The following SLC15A2 variants were observed in gnomAD, a reference collection of about 807,000 sequenced individuals.
SLC15A2 encodes solute carrier family 15 member 2, also known as kidney H(+)/peptide cotransporter.
A neutral mutation model predicts 95.5 loss-of-function variants in SLC15A2; 77 were observed. The observed-to-expected ratio is 0.81, with a 90% CI of 0.67 to 0.97. SLC15A2 has a LOEUF of 0.97. Among genes scored for constraint, SLC15A2 ranks in the 50% least tolerant of loss-of-function variants. The pLI, the probability that SLC15A2 is intolerant of heterozygous loss-of-function variation, is 0.00. For synonymous variants in SLC15A2, 306 were observed against 306.9 expected (o/e 1.00, Z 0.03); for missense variants, 893 against 874.4 (o/e 1.02, Z -0.27).
intron 3 of SLC15A2, among the ~76,000 whole-genome samples, chr3:121,905,626 C>T (rs1453272565): frequency 1.3e-5 from 2 of 152,170 alleles, no homozygotes; most frequent in Non-Finnish European, 2.9e-5. Context: ...CATTCAGGAG[C>T]AGGTTGTTCA....
rs1353352904 is a variant in SLC15A2 at position 121,928,987 on chromosome 3, A to G, written c.1347A>G (p.Thr449=). 5 of 1,613,840 alleles carry G rather than the reference A, an allele frequency of 3.1e-6. No individual in the cohort carries two copies. Among genetic ancestry groups the G allele is most frequent in the Admixed American group, 1.7e-5 (1 of 59,974 alleles). ...LIESIKSFQK[T]PHYSKLHLKT... Reference sequence around the variant, plus strand: ...TTATATTCTTCATTTTACAGAAAACACCACACTATTCCAAACTGCACCTGA... The same window carrying G: ...TTATATTCTTCATTTTACAGAAAACGCCACACTATTCCAAACTGCACCTGA... The change falls in exon 16 of 22, where the codon ACA becomes ACG. Residue 449 remains threonine (T), a synonymous_variant. Coordinates refer to ENST00000489711, the MANE Select transcript of SLC15A2 (RefSeq NM_021082.4).
intron 12 of SLC15A2, 142 bp downstream of exon 12, chr3:121,924,525 C>T (rs2257120): frequency 0.44 from 339,723 of 776,658 alleles, 78,071 homozygotes; most frequent in East Asian, 0.72. Flanking sequence ...GAAAACATTC[C>T]CATTAAGCCC....
chr3:121,931,710 C>A lies in SLC15A2; in HGVS notation c.1736C>A (p.Ala579Glu). The A allele has an allele frequency of 6.2e-7, 1 of 1,611,734 alleles. No individual in the cohort carries two copies. Among genetic ancestry groups the A allele is most frequent in the Non-Finnish European group, 8.5e-7 (1 of 1,177,902 alleles). Residue 579 changes from alanine (A) to glutamate (E), a missense_variant, in exon 19 of 22, where the codon GCA (alanine) becomes GAA (glutamate). Coordinates refer to ENST00000489711, the MANE Select transcript of SLC15A2 (RefSeq NM_021082.4). Reference protein sequence around the residue: ...SLNLGLLDFGAAYLFVITNNT... With the variant: ...SLNLGLLDFGEAYLFVITNNT... ...AATTTGGGTCTTCTAGACTTTGGTGCAGCATATCTGTTTGTTATTACTAAT... is the reference window on the plus strand; with the variant it reads ...AATTTGGGTCTTCTAGACTTTGGTGAAGCATATCTGTTTGTTATTACTAAT...
intron 7 of SLC15A2, among the ~76,000 whole-genome samples, chr3:121,917,129 A>G (rs987209032): frequency 1.3e-5 from 2 of 151,766 alleles, no homozygotes; most frequent in African/African-American, 2.4e-5. Flanking sequence ...CAATTAATTT[A>G]TTTTTTCATT....
chr3:121,927,221 G>A (rs764681975), intron 13 of SLC15A2, among the ~76,000 whole-genome samples: 1 of 152,204 alleles, frequency 6.6e-6, no homozygotes, highest in South Asian at 2.1e-4. Context: ...ATGTGAGAAG[G>A]ACATGAGATT....
In SLC15A2 at chr3:121,943,885, G is replaced by A. The variant is rs1286480996; in HGVS notation, c.*2878G>A. The A allele has an allele frequency of 6.6e-6, 1 of 152,174 alleles. No homozygotes were observed. Among genetic ancestry groups the A allele is most frequent in the Non-Finnish European group, 1.5e-5 (1 of 68,036 alleles). 9.4% of individuals were successfully genotyped at this position (152,174 alleles called of 1,614,324 possible). A position where few individuals can be genotyped will look rare whatever the true frequency, so the allele number is the denominator to read the frequency against. Reference sequence around the variant, plus strand: ...TGCTGTAGGCAATTGTAACACAATGGTATTTTTATACTTAAACATATCTAA... The same window carrying A: ...TGCTGTAGGCAATTGTAACACAATGATATTTTTATACTTAAACATATCTAA... On this transcript the variant is annotated 3_prime_UTR_variant, in exon 22 of 22. Coordinates refer to ENST00000489711, the MANE Select transcript of SLC15A2 (RefSeq NM_021082.4).
chr3:121,922,325 T>G (rs1259407609), intron 8 of SLC15A2, 23 bp downstream of exon 8: 7 of 1,597,916 alleles, frequency 4.4e-6, no homozygotes, highest in Non-Finnish European at 5.1e-6. Context: ...ATTGTTTTCT[T>G]GCCTTTTTCA....
chr3:121,941,076 G>T lies in SLC15A2; in HGVS notation c.*69G>T. 2 of 1,407,006 alleles carry T rather than the reference G, an allele frequency of 1.4e-6. No individual in the cohort carries two copies. The highest frequency in any genetic ancestry group is 2.3e-5 in the East Asian group (1 of 43,428). The allele number at this position is 1,407,006 out of a possible 1,614,324, so 87.2% of individuals were successfully genotyped here. On this transcript the variant is annotated 3_prime_UTR_variant, in exon 22 of 22. Coordinates refer to ENST00000489711, the MANE Select transcript of SLC15A2 (RefSeq NM_021082.4). ...TTGAAGCATTTTTTTTCTTCTACTG[G>T]ATTAGACAAGAGAGATAGCAGCATA...
rs1289204405 is a variant in SLC15A2, at chr3:121,929,414, G to A, written c.1553+66G>A. 2.0e-6 allele frequency: 3 copies of A among 1,519,178 alleles called. No homozygotes were observed. In the African/African-American group the frequency reaches 4.1e-5, roughly 21 times the overall value. The allele number at this position is 1,519,178 out of a possible 1,614,324, so 94.1% of individuals were successfully genotyped here. A position where few individuals can be genotyped will look rare whatever the true frequency, so the allele number is the denominator to read the frequency against. ...GAATCTTGGATCTCTTCTAATCTTT[G>A]GGGCTGCATTCTACTTGTTCTGAAC... is the stretch of plus-strand genomic sequence containing the variant. On this transcript the variant is annotated intron_variant, in intron 17 of 21. Transcript: ENST00000489711.
chr3:121,928,575 G>T lies in SLC15A2; in HGVS notation c.1341+20G>T. On this transcript the variant is annotated intron_variant, in intron 15 of 21. Transcript: ENST00000489711. The stretch of plus-strand genomic sequence containing the variant: ...TTTCAGGTGAGGTGTGTACCTGAAT[G>T]AATTAGAAACTCTGTATGCTATATT... 6.2e-7 allele frequency: 1 copy of T among 1,610,108 alleles called. No homozygotes were observed. The highest frequency in any genetic ancestry group is 1.1e-5 in the South Asian group (1 of 90,310).
intron 12 of SLC15A2, among the ~76,000 whole-genome samples, chr3:121,924,632 A>G (rs1710076525): frequency 6.6e-6 from 1 of 152,194 alleles, no homozygotes; most frequent in Non-Finnish European, 1.5e-5. Flanking sequence ...TATAATCAAA[A>G]TCTTGTAAAA....
At chr3:121,936,796 A>T in intron 19 of SLC15A2, among the ~76,000 whole-genome samples, 1 of 139,500 alleles carries the variant, frequency 7.2e-6, no homozygotes, top group Non-Finnish European at 1.6e-5. Context: ...TGTGAATTTG[A>T]TCCTGTCATT....
rs770201776 is a variant in SLC15A2, at chr3:121,929,163, C to T, written c.1506+17C>T. ...AGCATGATGGTAATTTGAGGAATTG[C>T]CTGTGTTTTCAGTTGTCATCTCAAA... On this transcript the variant is annotated intron_variant, in intron 16 of 21. Transcript: ENST00000489711. 8.1e-6 allele frequency: 13 copies of T among 1,607,368 alleles called. No homozygotes were observed. Among genetic ancestry groups the T allele is most frequent in the Non-Finnish European group, 1.1e-5 (13 of 1,175,582 alleles).
chr3:121,911,081 T>C (rs9289183), intron 3 of SLC15A2, among the ~76,000 whole-genome samples: 67,887 of 152,036 alleles, frequency 0.45, 15,679 homozygotes, highest in East Asian at 0.69. Flanking sequence ...TTGAGGAAGT[T>C]GTTTGGGTTA....
intron 3 of SLC15A2, among the ~76,000 whole-genome samples, chr3:121,904,372 A>C (rs1467921136): frequency 6.6e-6 from 1 of 152,200 alleles, no homozygotes; most frequent in East Asian, 1.9e-4. Flanking sequence ...CCCTGGCCAG[A>C]ACTTCCAACA....
chr3:121,939,494 A>T lies in SLC15A2; in HGVS notation c.1907A>T (p.Gln636Leu), dbSNP rs766525050. 6.7e-7 allele frequency: 1 copy of T among 1,494,612 alleles called. No individual in the cohort carries two copies. The highest frequency in any genetic ancestry group is 8.9e-7 in the Non-Finnish European group (1 of 1,121,724). The allele number at this position is 1,494,612 out of a possible 1,614,324, so 92.6% of individuals were successfully genotyped here. A position where few individuals can be genotyped will look rare whatever the true frequency, so the allele number is the denominator to read the frequency against. Reference sequence around the variant, plus strand: ...ACAGGTCTTGAGTTTTCTTATTCTCAGGTAAGTTTTTGCAAATAGAAGGTA... The same window carrying T: ...ACAGGTCTTGAGTTTTCTTATTCTCTGGTAAGTTTTTGCAAATAGAAGGTA... ...SVTGLEFSYS[Q>L]APSSMKSVLQ... Residue 636 changes from glutamine to leucine, a missense_variant and splice_region_variant, in exon 20 of 22, where the codon CAG becomes CTG. By Grantham distance (113) the Gln-to-Leu change is moderately radical (BLOSUM62 -2). Transcript: ENST00000489711.
chr3:121,938,594 A>G (rs541911429), intron 19 of SLC15A2, among the ~76,000 whole-genome samples: 1 of 152,330 alleles, frequency 6.6e-6, no homozygotes, highest in Admixed American at 6.5e-5. Context: ...GCACTTCCCG[A>G]GTGAGGCAAT....
Position 121,928,510 on chromosome 3 carries a change from A to T in SLC15A2, c.1296A>T (p.Gly432=). The stretch of plus-strand genomic sequence containing the variant: ...ATGAGGTGAAGGTGACAGTGGTGGG[A>T]AATGAAAACAATTCTCTGTTGATAG... The part of the protein sequence containing the change: ...ADDEVKVTVV[G]NENNSLLIES... Residue 432 remains glycine (G), a synonymous_variant, in exon 15 of 22, where the codon GGA becomes GGT. Coordinates refer to ENST00000489711, the MANE Select transcript of SLC15A2 (RefSeq NM_021082.4). 6.2e-7 allele frequency: 1 copy of T among 1,614,158 alleles called. No individual in the cohort carries two copies. Among genetic ancestry groups the T allele is most frequent in the East Asian group, 2.2e-5 (1 of 44,886 alleles).
intron 3 of SLC15A2, among the ~76,000 whole-genome samples, chr3:121,903,088 A>G (rs562985055): frequency 6.6e-6 from 1 of 152,186 alleles, no homozygotes; most frequent in South Asian, 2.1e-4. Flanking sequence ...TTTGATTTGC[A>G]TTTCTTTGAT....
Sources: allele counts gnomAD v4.1 joint callset (sites outside exome capture counted in the v4.1 genomes callset), GRCh38; gene constraint gnomAD v4.1.1; transcripts MANE v1.5; gene names NCBI Gene and HGNC (gene_info 2026-07-23, HGNC 2026-07-21).